LRRC4C: variants seen among roughly 807,000 people sequenced by gnomAD.
LRRC4C encodes the protein leucine rich repeat containing 4C, also known as leucine-rich repeat-containing protein 4C.
LRRC4C carries 5 observed loss-of-function variants against 33.6 expected under a neutral mutation model. That is an observed-to-expected ratio of 0.15 (90% confidence interval 0.08 to 0.31). The LOEUF (loss-of-function observed/expected upper bound fraction) is 0.31, where lower values mean the gene tolerates loss of function less well. Ranked by LOEUF, LRRC4C falls within the 10% of genes least tolerant of loss-of-function variation. The pLI is 1.00. For missense variants in LRRC4C, 560 were observed against 796.7 expected, an observed-to-expected ratio of 0.70 and a Z score of 3.58; for synonymous variants, 329 against 302.0, an observed-to-expected ratio of 1.09 and a Z score of -0.93.
chr11:40,479,317 T>C (rs537394702), intron 3 of LRRC4C, among the ~76,000 whole-genome samples: 1 of 152,292 alleles, frequency 6.6e-6, no homozygotes, highest in East Asian at 1.9e-4. Flanking sequence ...CAAGTAACCT[T>C]CAAAAAGGTC....
At chr11:40,607,789 C>T (rs568939338) in intron 3 of LRRC4C, among the ~76,000 whole-genome samples, 42 of 152,244 alleles carry the variant, frequency 2.8e-4, no homozygotes, top group African/African-American at 1.0e-3. Flanking sequence ...ACACAAGCCA[C>T]CTGCCGATTG....
intron 1 of LRRC4C, among the ~76,000 whole-genome samples, chr11:41,254,965 G>A (rs1241860527): frequency 6.6e-6 from 1 of 152,028 alleles, no homozygotes; most frequent in Non-Finnish European, 1.5e-5. Context: ...CTGAGTCTGA[G>A]AACATTTCAG....
intron 3 of LRRC4C, among the ~76,000 whole-genome samples, chr11:40,530,955 T>C (rs1956247467): frequency 6.6e-6 from 1 of 152,112 alleles, no homozygotes; most frequent in Admixed American, 6.6e-5. Flanking sequence ...TAATTCGGTA[T>C]TGTTATTCCT....
intron 2 of LRRC4C, among the ~76,000 whole-genome samples, chr11:40,669,429 C>T (rs893008276): frequency 3.3e-5 from 5 of 152,178 alleles, no homozygotes; most frequent in Non-Finnish European, 4.4e-5. Context: ...GACCTGGCTT[C>T]GGGAACCCAT....
intron 2 of LRRC4C, among the ~76,000 whole-genome samples, chr11:40,911,940 G>C (rs994255391): frequency 6.6e-6 from 1 of 152,194 alleles, no homozygotes; most frequent in Non-Finnish European, 1.5e-5. Context: ...GGAATAAAAG[G>C]TATCAGTGAT....
At chr11:41,327,165 C>A (rs970698098) in intron 1 of LRRC4C, among the ~76,000 whole-genome samples, 1 of 152,160 alleles carries the variant, frequency 6.6e-6, no homozygotes, top group African/African-American at 2.4e-5. Context: ...AGGGAGAAGG[C>A]AGCCCACCTT....
intron 3 of LRRC4C, among the ~76,000 whole-genome samples, chr11:40,382,629 T>C (rs1948929035): frequency 6.6e-6 from 1 of 151,168 alleles, no homozygotes; most frequent in Non-Finnish European, 1.5e-5. Flanking sequence ...CTATAGGTAG[T>C]AGGCTGTGCA....
chr11:40,776,538 CT>C (rs1419085768), intron 2 of LRRC4C, among the ~76,000 whole-genome samples: 1 of 152,036 alleles, frequency 6.6e-6, no homozygotes, highest in African/African-American at 2.4e-5. Flanking sequence ...ATAATAGTCT[CT>C]GATTATCTTT....
chr11:40,175,154 G>T (rs1860370788), intron 5 of LRRC4C, among the ~76,000 whole-genome samples: 1 of 152,184 alleles, frequency 6.6e-6, no homozygotes, highest in South Asian at 2.1e-4. Flanking sequence ...ACGAAGCAGT[G>T]GTTGCATAAT....
At chr11:41,084,584 C>T (rs1245416836) in intron 1 of LRRC4C, among the ~76,000 whole-genome samples, 1 of 152,144 alleles carries the variant, frequency 6.6e-6, no homozygotes, top group Non-Finnish European at 1.5e-5. Context: ...CACAGTGGCT[C>T]ACGCCTGTAA....
intron 4 of LRRC4C, among the ~76,000 whole-genome samples, chr11:40,250,543 C>A (rs943883840): frequency 3.3e-5 from 5 of 151,704 alleles, no homozygotes; most frequent in Non-Finnish European, 7.4e-5. Flanking sequence ...AGTTTGAGAC[C>A]AGCCTAACCA....
intron 3 of LRRC4C, among the ~76,000 whole-genome samples, chr11:40,527,682 T>C (rs548062224): frequency 6.6e-6 from 1 of 152,176 alleles, no homozygotes; most frequent in African/African-American, 2.4e-5. Context: ...GCCATTGAAC[T>C]ATCTAAATAG....
At chr11:40,685,621 C>T (rs1944914905) in intron 2 of LRRC4C, among the ~76,000 whole-genome samples, 1 of 151,600 alleles carries the variant, frequency 6.6e-6, no homozygotes, top group African/African-American at 2.4e-5. Context: ...AATTCGAGGA[C>T]ACACTTACAC....
At chr11:40,857,634 G>A (rs1233857552) in intron 2 of LRRC4C, among the ~76,000 whole-genome samples, 1 of 152,154 alleles carries the variant, frequency 6.6e-6, no homozygotes, top group Non-Finnish European at 1.5e-5. Flanking sequence ...TATTAGAAAT[G>A]GGCATGGTTG....
intron 1 of LRRC4C, among the ~76,000 whole-genome samples, chr11:41,046,764 G>T (rs1857803782): frequency 6.6e-6 from 1 of 152,144 alleles, no homozygotes; most frequent in Non-Finnish European, 1.5e-5. Context: ...AACCAACTTA[G>T]TTTCACGGTG....
chr11:41,028,837 T>G (rs556131113), intron 1 of LRRC4C, among the ~76,000 whole-genome samples: 1 of 151,886 alleles, frequency 6.6e-6, no homozygotes, highest in Admixed American at 6.6e-5. Context: ...AACAAGATAT[T>G]ATTTTCCTAT....
intron 1 of LRRC4C, among the ~76,000 whole-genome samples, chr11:41,341,784 C>A (rs1346163721): frequency 4.6e-5 from 7 of 152,196 alleles, no homozygotes; most frequent in Admixed American, 1.3e-4. Flanking sequence ...GTAAACCATG[C>A]CCGAAGTGAA....
intron 2 of LRRC4C, among the ~76,000 whole-genome samples, chr11:40,761,579 C>T (rs1267489837): frequency 1.3e-5 from 2 of 152,104 alleles, no homozygotes; most frequent in East Asian, 1.9e-4. Context: ...AGCAAACTGA[C>T]CAGCTTTTTC....
intron 4 of LRRC4C, among the ~76,000 whole-genome samples, chr11:40,243,638 G>A (rs1238375359): frequency 7.0e-6 from 1 of 142,780 alleles, no homozygotes; most frequent in Admixed American, 6.9e-5. Flanking sequence ...ATATAATTTT[G>A]TTATTATTTT....
Sources: allele counts gnomAD v4.1 joint callset (sites outside exome capture counted in the v4.1 genomes callset), GRCh38; gene constraint gnomAD v4.1.1; transcripts MANE v1.5; gene names NCBI Gene and HGNC (gene_info 2026-07-23, HGNC 2026-07-21).